The following WDR25 variants were observed in gnomAD, a reference collection of about 807,000 sequenced individuals.
The protein encoded by WDR25 is WD repeat domain 25, also known as WD repeat-containing protein 25.
A neutral mutation model predicts 47.7 loss-of-function variants in WDR25; 35 were observed. The observed-to-expected ratio is 0.73, with a 90% CI of 0.56 to 0.97. The LOEUF is 0.97. WDR25 is among the 50% of genes least tolerant of loss of function. The pLI is 0.00. For synonymous variants in WDR25, 248 were observed against 278.9 expected, an observed-to-expected ratio of 0.89 and a Z score of 1.10; for missense variants, 634 against 704.7, an observed-to-expected ratio of 0.90 and a Z score of 1.14.
chr14:100,402,559 A>C (rs950095875), intron 2 of WDR25, among the ~76,000 whole-genome samples: 2 of 152,222 alleles, frequency 1.3e-5, no homozygotes, highest in African/African-American at 4.8e-5. Flanking sequence ...GTCATTTTCC[A>C]GCTGAGCCCT....
chr14:100,385,727 TC>T (rs1263711721), intron 2 of WDR25, among the ~76,000 whole-genome samples: 1 of 152,230 alleles, frequency 6.6e-6, no homozygotes, highest in Non-Finnish European at 1.5e-5. Flanking sequence ...CTTGTTTTTT[TC>T]ATAGCTGTGA....
intron 3 of WDR25, among the ~76,000 whole-genome samples, chr14:100,472,941 C>A (rs1340088219): frequency 6.6e-6 from 1 of 152,240 alleles, no homozygotes; most frequent in Non-Finnish European, 1.5e-5. Context: ...TTTTGGCTGG[C>A]TCCTCCTGCC....
At chr14:100,520,997 T>G (rs1226721343) in intron 4 of WDR25, among the ~76,000 whole-genome samples, 2 of 152,212 alleles carry the variant, frequency 1.3e-5, no homozygotes, top group Non-Finnish European at 2.9e-5. Context: ...TTTTAGAGAT[T>G]GCTTTTTAAG....
intron 3 of WDR25, among the ~76,000 whole-genome samples, chr14:100,469,681 G>C (rs1247956259): frequency 6.6e-6 from 1 of 152,204 alleles, no homozygotes; most frequent in Non-Finnish European, 1.5e-5. Context: ...TGATGACTGG[G>C]CTGATGATGG....
chr14:100,426,731 T>C (rs1192195520), intron 2 of WDR25, among the ~76,000 whole-genome samples: 1 of 152,166 alleles, frequency 6.6e-6, no homozygotes, highest in Non-Finnish European at 1.5e-5. Context: ...GGAAGACTGC[T>C]GCCCCCCAGC....
chr14:100,391,808 CT>C (rs1447898404), intron 2 of WDR25, among the ~76,000 whole-genome samples: 2 of 152,164 alleles, frequency 1.3e-5, no homozygotes, highest in African/African-American at 4.8e-5. Context: ...CCTCAAGACC[CT>C]TTCAGGGGGT....
chr14:100,493,765 G>C (rs1055357247), intron 4 of WDR25, among the ~76,000 whole-genome samples: 1 of 152,162 alleles, frequency 6.6e-6, no homozygotes, highest in South Asian at 2.1e-4. Flanking sequence ...TTCATATGTT[G>C]AGGCCCTAAT....
intron 2 of WDR25, among the ~76,000 whole-genome samples, chr14:100,433,358 G>T (rs183603572): frequency 1.2e-4 from 19 of 152,340 alleles, no homozygotes; most frequent in African/African-American, 4.1e-4. Context: ...AGTGTTCCGG[G>T]TGATGCTGTG....
chr14:100,443,952 C>T (rs1273069199), intron 2 of WDR25, among the ~76,000 whole-genome samples: 8 of 152,142 alleles, frequency 5.3e-5, no homozygotes, highest in Non-Finnish European at 1.2e-4. Flanking sequence ...CTCTGTTTTG[C>T]GGCTTAGGAT....
At chr14:100,516,394 T>A (rs1444009081) in intron 4 of WDR25, among the ~76,000 whole-genome samples, 1 of 152,182 alleles carries the variant, frequency 6.6e-6, no homozygotes, top group Non-Finnish European at 1.5e-5. Context: ...CCTTTCCCGG[T>A]TTGTGTAGTT....
rs1471153951 is a variant in WDR25, at chr14:100,381,161, A to G, written c.237A>G (p.Pro79=). 14 of 1,614,072 alleles carry G rather than the reference A, an allele frequency of 8.7e-6. No homozygotes were observed. The highest frequency in any genetic ancestry group is 1.7e-5 in the Admixed American group (1 of 60,002). Residue 79 remains proline (P), a synonymous_variant, in exon 2 of 7, where the codon CCA becomes CCG. Transcript: ENST00000402312. ...SCEDPGGYRL[P]LAQLGRSDWG... ...AAGACCCAGGGGGCTATCGCCTTCCATTGGCTCAGCTTGGGAGAAGCGATT... is the reference window on the plus strand; with the variant it reads ...AAGACCCAGGGGGCTATCGCCTTCCGTTGGCTCAGCTTGGGAGAAGCGATT...
chr14:100,436,631 TC>T (rs1368159189), intron 2 of WDR25, among the ~76,000 whole-genome samples: 5 of 152,166 alleles, frequency 3.3e-5, no homozygotes, highest in Non-Finnish European at 5.9e-5. Context: ...AGTCAGGTGT[TC>T]GGTGTCTCTT....
intron 2 of WDR25, among the ~76,000 whole-genome samples, chr14:100,452,151 C>T (rs763463163): frequency 2.6e-5 from 4 of 152,144 alleles, no homozygotes; most frequent in Non-Finnish European, 5.9e-5. Context: ...TTCATTCATC[C>T]ATTCCGTTCT....
chr14:100,402,134 AATT>A (rs1043231878), intron 2 of WDR25, among the ~76,000 whole-genome samples: 7 of 152,116 alleles, frequency 4.6e-5, no homozygotes, highest in African/African-American at 1.4e-4. Context: ...AATTCAGGTG[AATT>A]ATTATTCTAC....
At chr14:100,439,647 T>TG (rs1309022978) in intron 2 of WDR25, among the ~76,000 whole-genome samples, 1 of 152,190 alleles carries the variant, frequency 6.6e-6, no homozygotes, top group Non-Finnish European at 1.5e-5. Context: ...GCTTGCCATG[T>TG]GGGGGTGGAC....
intron 2 of WDR25, among the ~76,000 whole-genome samples, chr14:100,433,537 C>T (rs1175958450): frequency 6.6e-6 from 1 of 152,134 alleles, no homozygotes; most frequent in Admixed American, 6.5e-5. Flanking sequence ...CATAAGTATC[C>T]TGTTATTCCT....
intron 2 of WDR25, among the ~76,000 whole-genome samples, chr14:100,415,599 T>G (rs2140200866): frequency 6.6e-6 from 1 of 152,318 alleles, no homozygotes. Flanking sequence ...GAGCAGAGGT[T>G]GGGCAGGTTT....
chr14:100,399,544 G>A (rs763238126), intron 2 of WDR25, among the ~76,000 whole-genome samples: 1 of 151,858 alleles, frequency 6.6e-6, no homozygotes, highest in Non-Finnish European at 1.5e-5. Flanking sequence ...TGCCCCTCTC[G>A]CTCTCTCTTG....
chr14:100,404,498 C>G lies in WDR25; in HGVS notation c.822+22752C>G, dbSNP rs1897473817. 6.6e-6 allele frequency among the ~76,000 whole-genome samples: 1 copy of G among 152,218 alleles called. No homozygotes were observed. The highest frequency in any genetic ancestry group is 2.4e-5 in the African/African-American group (1 of 41,454). ...ACCATGGGAGGCAGAGCGCACACCC[C>G]TCTGGTGTTCCTGGCTGGGAAACAG... On this transcript the variant is annotated intron_variant, in intron 2 of 6. Coordinates refer to ENST00000402312, the MANE Select transcript of WDR25 (RefSeq NM_001161476.3). This position sits in a 1 kb window ranked among gnomAD's most constrained non-coding sequence, Gnocchi z 4.6.
Sources: allele counts gnomAD v4.1 joint callset (sites outside exome capture counted in the v4.1 genomes callset), GRCh38; gene constraint gnomAD v4.1.1; non-coding constraint Gnocchi (gnomAD v3.1); transcripts MANE v1.5; gene names NCBI Gene and HGNC (gene_info 2026-07-23, HGNC 2026-07-21).